The following FBXW8 variants were observed in gnomAD, a reference collection of about 807,000 sequenced individuals.
FBXW8 encodes the protein F-box and WD repeat domain containing 8, also known as F-box/WD repeat-containing protein 8.
Under a neutral mutation model 65.3 loss-of-function variants are expected in FBXW8, and 57 were observed. The ratio of observed to expected loss-of-function variants is 0.87; its 90% CI spans 0.71 to 1.09. The LOEUF (loss-of-function observed/expected upper bound fraction) is 1.09, where lower values mean the gene tolerates loss of function less well. Ranked by LOEUF, FBXW8 falls within the 50% of genes least tolerant of loss-of-function variation. The pLI, the probability that FBXW8 is intolerant of heterozygous loss-of-function variation, is 0.00. For missense variants in FBXW8, 777 were observed against 814.8 expected (o/e 0.95, Z 0.57); for synonymous variants, 308 against 330.2 (o/e 0.93, Z 0.73).
At chr12:116,942,025 G>A (rs1205534741) in intron 2 of FBXW8, among the ~76,000 whole-genome samples, 1 of 151,910 alleles carries the variant, frequency 6.6e-6, no homozygotes, top group East Asian at 1.9e-4. Flanking sequence ...TTTTGGTTTT[G>A]CTTTGTTGTT....
At chr12:116,928,393 C>T (rs1565900714) in intron 2 of FBXW8, among the ~76,000 whole-genome samples, 1 of 152,098 alleles carries the variant, frequency 6.6e-6, no homozygotes, top group Non-Finnish European at 1.5e-5. Flanking sequence ...TGCTGGTGGC[C>T]GACAACTTGG....
At position 116,936,470 on chromosome 12, in the gene FBXW8, T is replaced by C. The variant is rs374714495; in HGVS notation, c.423+8343T>C. 4.6e-5 allele frequency among the ~76,000 whole-genome samples: 7 copies of C among 152,272 alleles called. No individual in the cohort carries two copies. The East Asian group carries it at 9.6e-4, about 21-fold the overall frequency. ...GAGATGGGGTGATTATCTTGGATTA[T>C]ACAGGTGGGTCCAGTGCATTACAAG... On this transcript the variant is annotated intron_variant, in intron 2 of 10. Transcript: ENST00000652555. The surrounding 1 kb of genome is among the most constrained non-coding windows in gnomAD (Gnocchi z 4.6).
chr12:117,027,705 G>T (rs185216527), intron 10 of FBXW8, among the ~76,000 whole-genome samples: 3 of 152,226 alleles, frequency 2.0e-5, no homozygotes, highest in Admixed American at 6.5e-5. Flanking sequence ...CCCGTGGGGC[G>T]AGTCCACGCT....
In FBXW8 at chr12:117,024,191, T is replaced by G; in HGVS notation, c.1412T>G (p.Leu471Arg). The G allele has an allele frequency of 6.2e-7, 1 of 1,614,152 alleles. No homozygotes were observed. ...DLRSGNIALSLSAHQLRVSAV... is the reference protein window; with the variant it reads ...DLRSGNIALSRSAHQLRVSAV... ...CGCAGTGGTAACATCGCCCTGTCGC[T>G]CTCCGCCCATCAGCTCAGGGTCTCT... Residue 471 changes from leucine to arginine, a missense_variant, in exon 9 of 11, where the codon CTC (leucine) becomes CGC (arginine). By Grantham distance (102) the Leu-to-Arg change is moderately radical. Transcript: ENST00000652555.
intron 8 of FBXW8, among the ~76,000 whole-genome samples, chr12:117,011,126 C>CTTTTTTTT (rs1565940778): frequency 1.0e-5 from 1 of 100,344 alleles, no homozygotes; most frequent in Non-Finnish European, 1.8e-5. Flanking sequence ...TTTTTCTTTT[C>CTTTTTTTT]CTTTTTTTTT....
intron 2 of FBXW8, among the ~76,000 whole-genome samples, chr12:116,935,208 G>C (rs1388071360): frequency 6.6e-6 from 1 of 152,160 alleles, no homozygotes; most frequent in African/African-American, 2.4e-5. Flanking sequence ...GATAATATTG[G>C]TGAGCAAGAA....
chr12:117,028,289 GTGCC>G lies in FBXW8; in HGVS notation c.*118_*121del. ...ATTTAGGGGAAGAAAGCAGCCCAGG[GTGCC>G]ATGCCTGACAGCACGCATCTCCCTG... On this transcript the variant is annotated 3_prime_UTR_variant, in exon 11 of 11. Transcript: ENST00000652555. The surrounding 1 kb of genome is among the most constrained non-coding windows in gnomAD (Gnocchi z 4.1). The G allele has an allele frequency of 7.7e-7, 1 of 1,303,164 alleles. No individual in the cohort carries two copies. The highest frequency in any genetic ancestry group is 1.1e-6 in the Non-Finnish European group (1 of 950,176). The allele number at this position is 1,303,164 out of a possible 1,614,324, so 80.7% of individuals were successfully genotyped here.
chr12:116,929,550 T>A (rs79904241), intron 2 of FBXW8, among the ~76,000 whole-genome samples: 1 of 128,704 alleles, frequency 7.8e-6, no homozygotes, highest in Non-Finnish European at 1.7e-5. Flanking sequence ...TTTCTTTTTT[T>A]AAAAATTTCA....
intron 1 of FBXW8, among the ~76,000 whole-genome samples, chr12:116,922,813 T>TG (rs1881005917): frequency 6.6e-6 from 1 of 150,448 alleles, no homozygotes; most frequent in African/African-American, 2.5e-5. Context: ...TGTGTGTGTG[T>TG]TTTTTTTCCC....
intron 7 of FBXW8, among the ~76,000 whole-genome samples, chr12:117,007,938 G>A (rs948321276): frequency 7.2e-5 from 11 of 152,090 alleles, no homozygotes; most frequent in Non-Finnish European, 1.5e-4. Flanking sequence ...TTAACTAAAC[G>A]TCATGGTAAA....
At chr12:116,987,712 A>G (rs113072589) in intron 6 of FBXW8, among the ~76,000 whole-genome samples, 3 of 149,732 alleles carry the variant, frequency 2.0e-5, no homozygotes, top group African/African-American at 7.7e-5. Context: ...AACAAACAAA[A>G]AACACAACAA....
chr12:117,008,832 G>C lies in FBXW8; in HGVS notation c.1240-1491G>C, dbSNP rs1414321260. 4.6e-5 allele frequency among the ~76,000 whole-genome samples: 7 copies of C among 152,336 alleles called. No individual in the cohort carries two copies. The East Asian group carries it at 9.6e-4, about 21-fold the overall frequency. On this transcript the variant is annotated intron_variant, in intron 7 of 10. Coordinates refer to ENST00000652555, the MANE Select transcript of FBXW8 (RefSeq NM_153348.3). ...ACCTTTGGCTGAGGCCAGGCGTGCT[G>C]GCTCATGCCTGTAATCTCAGCATTT... is the stretch of plus-strand genomic sequence containing the variant.
intron 7 of FBXW8, among the ~76,000 whole-genome samples, chr12:117,005,844 C>T (rs1209389423): frequency 6.6e-6 from 1 of 152,186 alleles, no homozygotes; most frequent in East Asian, 1.9e-4. Context: ...AGGCAGGTTA[C>T]TAGGGATCAG....
chr12:116,982,485 G>C (rs113922328), intron 5 of FBXW8, among the ~76,000 whole-genome samples: 1 of 152,260 alleles, frequency 6.6e-6, no homozygotes, highest in South Asian at 2.1e-4. Flanking sequence ...AACTGTGCAC[G>C]TGATATCAGC....
chr12:116,999,650 G>T (rs376258588), intron 7 of FBXW8, among the ~76,000 whole-genome samples: 1 of 152,148 alleles, frequency 6.6e-6, no homozygotes, highest in African/African-American at 2.4e-5. Flanking sequence ...AGCACTGGCT[G>T]CGTGGCGAGG....
intron 10 of FBXW8, 107 bp from the exon 11 acceptor site, chr12:117,027,921 G>C: frequency 6.8e-7 from 1 of 1,465,154 alleles, no homozygotes; most frequent in Non-Finnish European, 9.2e-7. Flanking sequence ...TTGTGAAGCT[G>C]AACCTCTATC....
chr12:116,941,973 A>T (rs900914765), intron 2 of FBXW8, among the ~76,000 whole-genome samples: 2 of 152,144 alleles, frequency 1.3e-5, no homozygotes, highest in Admixed American at 6.5e-5. Context: ...CACTTGGGTC[A>T]TATCCCACAG....
At chr12:117,018,933 CTGAT>C in intron 8 of FBXW8, among the ~76,000 whole-genome samples, 1 of 152,244 alleles carries the variant, frequency 6.6e-6, no homozygotes, top group African/African-American at 2.4e-5. Flanking sequence ...TGAATAGACT[CTGAT>C]TAACCAAATA....
At chr12:116,976,229 G>C (rs746791948) in intron 5 of FBXW8, among the ~76,000 whole-genome samples, 2 of 151,990 alleles carry the variant, frequency 1.3e-5, no homozygotes, top group Non-Finnish European at 2.9e-5. Flanking sequence ...TGTGCTTGCC[G>C]CTTTTCTGCT....
Sources: allele counts gnomAD v4.1 joint callset (sites outside exome capture counted in the v4.1 genomes callset), GRCh38; gene constraint gnomAD v4.1.1; non-coding constraint Gnocchi (gnomAD v3.1); transcripts MANE v1.5; gene names NCBI Gene and HGNC (gene_info 2026-07-23, HGNC 2026-07-21).